Variants in CCDC171 observed in about 807,000 individuals in gnomAD.
CCDC171 encodes coiled-coil domain-containing protein 171.
In CCDC171, 177 loss-of-function variants were observed where a neutral mutation model predicts 168.2. The observed-to-expected ratio is 1.05, with a 90% confidence interval of 0.93 to 1.19. The LOEUF (loss-of-function observed/expected upper bound fraction) is 1.19. CCDC171 is among the 50% of genes most tolerant of loss of function. The probability of loss-of-function intolerance (pLI) is 0.00; values close to 1 mark genes in which losing one functional copy is unlikely to be tolerated. For missense variants in CCDC171, 1,991 were observed against 1,539.0 expected (o/e 1.29, Z -4.91); for synonymous variants, 687 against 540.8 (o/e 1.27, Z -3.75).
chr9:15,633,749 G>A (rs532642209), intron 7 of CCDC171, among the ~76,000 whole-genome samples: 1 of 152,064 alleles, frequency 6.6e-6, no homozygotes, highest in Non-Finnish European at 1.5e-5. Context: ...GCACTATTCA[G>A]AATAGCAAAG....
intron 24 of CCDC171, among the ~76,000 whole-genome samples, chr9:15,918,092 C>T (rs373935542): frequency 6.8e-4 from 103 of 151,604 alleles, no homozygotes; most frequent in African/African-American, 2.3e-3. Flanking sequence ...GGATTTGTAT[C>T]CTGACCATTG....
chr9:15,944,354 G>T (rs10962227), intron 25 of CCDC171, among the ~76,000 whole-genome samples: 46,736 of 151,784 alleles, frequency 0.31, 8,946 homozygotes, highest in East Asian at 0.61. Context: ...ACATGAAACA[G>T]AAGAGGACTT....
chr9:15,584,700 G>T (rs750829650), intron 4 of CCDC171, among the ~76,000 whole-genome samples: 8 of 152,122 alleles, frequency 5.3e-5, no homozygotes, highest in Non-Finnish European at 1.0e-4. Flanking sequence ...TCCTTCTGAG[G>T]CCCTCCTGTC....
chr9:15,699,741 G>A (rs1036799788), intron 11 of CCDC171, among the ~76,000 whole-genome samples: 1 of 152,114 alleles, frequency 6.6e-6, no homozygotes, highest in African/African-American at 2.4e-5. Context: ...ACAGAGTGCC[G>A]ATTGGTGTAT....
intron 4 of CCDC171, among the ~76,000 whole-genome samples, chr9:16,020,963 T>G (rs1410676047): frequency 6.6e-6 from 1 of 152,218 alleles, no homozygotes; most frequent in Non-Finnish European, 1.5e-5. Context: ...CAAGCTTAAG[T>G]AGGAAGATAC....
intron 23 of CCDC171, among the ~76,000 whole-genome samples, chr9:15,859,845 T>G (rs2130951093): frequency 6.6e-6 from 1 of 151,862 alleles, no homozygotes; most frequent in South Asian, 2.1e-4. Context: ...TTATTATTAT[T>G]TTTTGAAGAG....
At chr9:15,713,463 C>T (rs953112254) in intron 11 of CCDC171, among the ~76,000 whole-genome samples, 4 of 152,070 alleles carry the variant, frequency 2.6e-5, no homozygotes, top group Non-Finnish European at 4.4e-5. Context: ...GCCTTCGGGA[C>T]TTTTATGCCA....
At chr9:15,565,682 C>T (rs527897587) in intron 2 of CCDC171, among the ~76,000 whole-genome samples, 150 of 152,330 alleles carry the variant, frequency 9.8e-4, no homozygotes, top group Admixed American at 3.3e-3. Context: ...AGTTGTAACA[C>T]GTAGCAGCCC....
rs142972094 is a variant in CCDC171, at chr9:15,713,754, T to G, written c.1319-8015T>G. 5.7e-3 allele frequency among the ~76,000 whole-genome samples: 861 copies of G among 152,146 alleles called. 10 individuals carry two copies. Among genetic ancestry groups the G allele is most frequent in the African/African-American group, 0.02 (810 of 41,506 alleles). On this transcript the variant is annotated intron_variant, in intron 11 of 25. Transcript: ENST00000380701. Reference sequence around the variant, plus strand: ...CTATATACATCTTGAATTTGAGTAGTTGCTACTTTCTGTTCATCAGGTGCA... The same window carrying G: ...CTATATACATCTTGAATTTGAGTAGGTGCTACTTTCTGTTCATCAGGTGCA...
In CCDC171 at chr9:15,718,021, A is replaced by G. The variant is rs923701153; in HGVS notation, c.1319-3748A>G. On this transcript the variant is annotated intron_variant, in intron 11 of 25. Transcript: ENST00000380701. ...TTGGCCACAGGGTGGTAGAGCACCA[A>G]GTGGGTTCTTGGGGTCCTTGATTCC... Among the ~76,000 whole-genome samples, 19 of 151,980 alleles carry G rather than the reference A, an allele frequency of 1.3e-4. 1 individual carries two copies. The highest frequency in any genetic ancestry group is 4.6e-4 in the African/African-American group (19 of 41,398).
chr9:16,085,666 A>C, the CCDC171 span, among the ~76,000 whole-genome samples: 1 of 152,268 alleles, frequency 6.6e-6, no homozygotes, highest in Non-Finnish European at 1.5e-5. Flanking sequence ...ATGCAGACAG[A>C]ATGTGGCAGG....
chr9:15,696,071 C>A (rs144145303), intron 11 of CCDC171, among the ~76,000 whole-genome samples: 7 of 152,266 alleles, frequency 4.6e-5, no homozygotes, highest in East Asian at 1.9e-4. Flanking sequence ...CTGCTTTCAG[C>A]CCTGAATTAT....
At chr9:16,063,237 A>G (rs896767508), downstream of CCDC171, among the ~76,000 whole-genome samples, 7 of 152,204 alleles carry the variant, frequency 4.6e-5, no homozygotes, top group Admixed American at 3.3e-4. Flanking sequence ...AGCAGAAGAC[A>G]CCATGTACAG....
chr9:15,944,836 TTTTCTTTCTTTC>T (rs1554691551), intron 25 of CCDC171, among the ~76,000 whole-genome samples: 18 of 129,962 alleles, frequency 1.4e-4, no homozygotes, highest in Middle Eastern at 4.1e-3. Context: ...TTTCTTTCTT[TTTTCTTTCTTTC>T]TTTCTTTCTT....
intron 18 of CCDC171, among the ~76,000 whole-genome samples, chr9:15,757,169 G>A (rs189618136): frequency 2.6e-5 from 4 of 152,294 alleles, no homozygotes; most frequent in Non-Finnish European, 5.9e-5. Flanking sequence ...AGTTTGGAGG[G>A]CTCAGAAGAA....
intron 4 of CCDC171, among the ~76,000 whole-genome samples, chr9:15,582,254 G>T (rs276444): frequency 2.6e-5 from 4 of 152,070 alleles, no homozygotes; most frequent in East Asian, 1.9e-4. Flanking sequence ...GTTAGAATGG[G>T]GTTCATTAAA....
chr9:15,732,446 A>G (rs1255773633), intron 16 of CCDC171, among the ~76,000 whole-genome samples: 1 of 152,050 alleles, frequency 6.6e-6, no homozygotes, highest in Non-Finnish European at 1.5e-5. Context: ...TAGCCTTGGT[A>G]CCTTTGTGAA....
chr9:15,764,646 A>G (rs2056625497), intron 18 of CCDC171, among the ~76,000 whole-genome samples: 1 of 152,246 alleles, frequency 6.6e-6, no homozygotes, highest in African/African-American at 2.4e-5. Flanking sequence ...TCTGAGAAAT[A>G]TATTAGACTC....
chr9:15,874,744 A>G (rs922800462), intron 24 of CCDC171, 81 bp downstream of exon 24: 1 of 1,299,216 alleles, frequency 7.7e-7, no homozygotes, highest in Admixed American at 2.8e-5. Flanking sequence ...GAAAGCCTCA[A>G]AGTATTGTGA....
Sources: allele counts gnomAD v4.1 joint callset (sites outside exome capture counted in the v4.1 genomes callset), GRCh38; gene constraint gnomAD v4.1.1; transcripts MANE v1.5; gene names NCBI Gene and HGNC (gene_info 2026-07-23, HGNC 2026-07-21).